RBFOX1: variants seen among roughly 807,000 people sequenced by gnomAD.
The protein encoded by RBFOX1 is RNA binding protein fox-1 homolog 1.
In RBFOX1, 8 loss-of-function variants were observed where a neutral mutation model predicts 57.7. The observed-to-expected ratio is 0.14, with a 90% confidence interval of 0.08 to 0.25. The LOEUF (loss-of-function observed/expected upper bound fraction) is 0.25, where lower values mean the gene tolerates loss of function less well. Ranked by LOEUF, RBFOX1 falls within the 10% of genes least tolerant of loss-of-function variation. RBFOX1 has a pLI of 1.00. For missense variants in RBFOX1, 611 were observed against 548.5 expected (o/e 1.11, Z -1.14); for synonymous variants, 326 against 222.4 (o/e 1.47, Z -4.15).
At chr16:6,798,456 T>G (rs1454063413) in intron 3 of RBFOX1, among the ~76,000 whole-genome samples, 1 of 152,140 alleles carries the variant, frequency 6.6e-6, no homozygotes, top group African/African-American at 2.4e-5. Flanking sequence ...GCTATGTTGT[T>G]TAATTCAGAA....
chr16:6,657,678 A>T (rs930615421), intron 3 of RBFOX1, among the ~76,000 whole-genome samples: 2 of 152,198 alleles, frequency 1.3e-5, no homozygotes, highest in Non-Finnish European at 2.9e-5. Context: ...GTAATTTGAT[A>T]AAGTGGAATT....
chr16:5,677,889 G>T (rs1244196649), intron 3 of RBFOX1, among the ~76,000 whole-genome samples: 1 of 151,986 alleles, frequency 6.6e-6, no homozygotes, highest in East Asian at 1.9e-4. Context: ...ATGAAGTGAG[G>T]GAGGCAGGTC....
At chr16:5,471,845 A>C (rs778801705) in intron 2 of RBFOX1, among the ~76,000 whole-genome samples, 9 of 152,198 alleles carry the variant, frequency 5.9e-5, no homozygotes, top group Non-Finnish European at 1.3e-4. Flanking sequence ...TGGCTAGACC[A>C]AGGAGAAGAT....
intron 2 of RBFOX1, among the ~76,000 whole-genome samples, chr16:5,502,887 T>G (rs1012945473): frequency 6.6e-6 from 1 of 152,170 alleles, no homozygotes; most frequent in African/African-American, 2.4e-5. Flanking sequence ...CTGATTGAGA[T>G]CTTGAACAAT....
intron 2 of RBFOX1, chr16:6,483,176 A>G: frequency 8.9e-7 from 1 of 1,125,272 alleles, no homozygotes. Flanking sequence ...TCATTTGGCG[A>G]GCGTTTTGGC....
chr16:5,776,757 G>A (rs1260800789), intron 3 of RBFOX1, among the ~76,000 whole-genome samples: 1 of 152,154 alleles, frequency 6.6e-6, no homozygotes, highest in Non-Finnish European at 1.5e-5. Flanking sequence ...ACCTTATGTT[G>A]TCCTTATGCA....
chr16:7,313,576 C>T (rs1420288593), intron 4 of RBFOX1, among the ~76,000 whole-genome samples: 1 of 151,102 alleles, frequency 6.6e-6, no homozygotes, highest in Admixed American at 6.6e-5. Flanking sequence ...ACGAGATAAG[C>T]CAGCCTTCTT....
At chr16:5,509,267 A>G (rs2043492781) in intron 2 of RBFOX1, among the ~76,000 whole-genome samples, 1 of 152,214 alleles carries the variant, frequency 6.6e-6, no homozygotes, top group Admixed American at 6.5e-5. Flanking sequence ...ATTGGCAATG[A>G]TGGAAGAAGG....
chr16:7,107,622 C>G (rs926066711), intron 4 of RBFOX1, among the ~76,000 whole-genome samples: 6 of 152,120 alleles, frequency 3.9e-5, no homozygotes, highest in Non-Finnish European at 8.8e-5. Context: ...TGACATCCTT[C>G]TTTCCGCTCC....
intron 4 of RBFOX1, among the ~76,000 whole-genome samples, chr16:5,937,091 A>G (rs2059182932): frequency 6.6e-6 from 1 of 151,014 alleles, no homozygotes; most frequent in African/African-American, 2.4e-5. Flanking sequence ...TAAGGGCTAA[A>G]GTCTAGTGTG....
chr16:6,695,210 A>T (rs1412283874), intron 3 of RBFOX1, among the ~76,000 whole-genome samples: 1 of 152,074 alleles, frequency 6.6e-6, no homozygotes, highest in Non-Finnish European at 1.5e-5. Flanking sequence ...GCCTGATGTC[A>T]GGAGTTTGAG....
intron 5 of RBFOX1, among the ~76,000 whole-genome samples, chr16:7,572,018 T>C (rs1186354842): frequency 6.6e-6 from 1 of 152,150 alleles, no homozygotes; most frequent in Admixed American, 6.5e-5. Context: ...TCCCAGCTAC[T>C]GGGGAGGCTG....
chr16:6,063,997 C>T (rs1230693111), intron 1 of RBFOX1, among the ~76,000 whole-genome samples: 5 of 152,158 alleles, frequency 3.3e-5, no homozygotes, highest in South Asian at 2.1e-4. Context: ...TTCCTATAAC[C>T]TCTAACCCTC....
rs185458204 is a variant in RBFOX1 at position 7,018,331 on chromosome 16, C to T, written c.-15-33726C>T. Among the ~76,000 whole-genome samples, 159 of 152,224 alleles carry T rather than the reference C, an allele frequency of 1.0e-3. 2 individuals carry two copies. Among genetic ancestry groups the T allele is most frequent in the Admixed American group, 3.7e-3 (57 of 15,288 alleles). On this transcript the variant is annotated intron_variant, in intron 3 of 15. Coordinates refer to ENST00000550418, the MANE Select transcript of RBFOX1 (RefSeq NM_018723.4). ...TAGTTTCAGTGAGAAGCCTAACCTC[C>T]GGGAGTTGTTTCAGGCCACCTCCAT...
intron 4 of RBFOX1, among the ~76,000 whole-genome samples, chr16:5,877,640 G>T (rs1213337263): frequency 6.6e-6 from 1 of 152,258 alleles, no homozygotes; most frequent in Admixed American, 6.5e-5. Flanking sequence ...ATCAGTTACA[G>T]TAGCAGCAGA....
At chr16:7,436,374 C>T (rs900918491) in intron 4 of RBFOX1, among the ~76,000 whole-genome samples, 8 of 152,180 alleles carry the variant, frequency 5.3e-5, no homozygotes, top group Middle Eastern at 3.4e-3. Context: ...ACATATAGTG[C>T]GTGTCATATA....
At chr16:6,743,056 A>G (rs1271183177) in intron 3 of RBFOX1, among the ~76,000 whole-genome samples, 1 of 152,176 alleles carries the variant, frequency 6.6e-6, no homozygotes, top group Non-Finnish European at 1.5e-5. Flanking sequence ...GGATAGGGAA[A>G]CAATACTTCT....
chr16:7,069,409 C>T (rs1352852800), intron 4 of RBFOX1, among the ~76,000 whole-genome samples: 1 of 152,070 alleles, frequency 6.6e-6, no homozygotes, highest in Non-Finnish European at 1.5e-5. Context: ...TCTGTGTGTT[C>T]GTTGTTCAGC....
intron 3 of RBFOX1, among the ~76,000 whole-genome samples, chr16:6,689,033 A>G (rs145793361): frequency 2.2e-4 from 33 of 152,192 alleles, no homozygotes; most frequent in African/African-American, 7.7e-4. Flanking sequence ...TATCCAGTCT[A>G]TTATTGATGG....
Sources: gnomAD v4.1 joint callset for allele counts (sites outside exome capture counted in the v4.1 genomes callset) on GRCh38, gnomAD v4.1.1 for gene constraint, MANE v1.5 for transcripts, NCBI Gene and HGNC (gene_info 2026-07-23, HGNC 2026-07-21) for gene names.